PRR33: variants seen among roughly 807,000 people sequenced by gnomAD.
The protein encoded by PRR33 is proline-rich protein 33.
A neutral mutation model predicts 0.5 loss-of-function variants in PRR33; 1 was observed. That is an observed-to-expected ratio of 2.18 (90% CI 0.77 to 10.34). The LOEUF (loss-of-function observed/expected upper bound fraction) is 10.34, where lower values mean the gene tolerates loss of function less well. PRR33 is among the 30% of genes most tolerant of loss of function. The pLI is 0.13. For missense variants in PRR33, 552 were observed against 251.8 expected (o/e 2.19, Z -8.07); for synonymous variants, 226 against 110.0 (o/e 2.06, Z -6.60).
At chr11:1,901,759 C>T in the PRR33 span, among the ~76,000 whole-genome samples, 1 of 152,090 alleles carries the variant, frequency 6.6e-6, no homozygotes, top group East Asian at 1.9e-4. Flanking sequence ...AGGAAAAACA[C>T]GTTAAACAAA....
At chr11:1,900,179 G>T in the PRR33 span, among the ~76,000 whole-genome samples, 2 of 152,126 alleles carry the variant, frequency 1.3e-5, no homozygotes, top group African/African-American at 4.8e-5. Context: ...ATGTGTCCAT[G>T]CTTGATGCTG....
the PRR33 span, among the ~76,000 whole-genome samples, chr11:1,914,307 C>T: frequency 1.4e-5 from 2 of 147,044 alleles, no homozygotes; most frequent in African/African-American, 5.2e-5. Flanking sequence ...TGGGGTCATG[C>T]ACCTGGGATG....
At chr11:1,913,409 G>T in the PRR33 span, among the ~76,000 whole-genome samples, 1 of 151,728 alleles carries the variant, frequency 6.6e-6, no homozygotes, top group Non-Finnish European at 1.5e-5. Flanking sequence ...GCCTCCCAAA[G>T]TCCTGGGATT....
the PRR33 span, among the ~76,000 whole-genome samples, chr11:1,917,430 A>AC: frequency 1.3e-5 from 2 of 151,494 alleles, no homozygotes; most frequent in Non-Finnish European, 2.9e-5. Flanking sequence ...CAATTTCAGA[A>AC]CCCCCCCATC....
At chr11:1,890,254 G>A (rs916930862) in exon 1 of PRR33, 1 of 715,360 alleles carries the variant, frequency 1.4e-6, no homozygotes, top group South Asian at 1.5e-5. Flanking sequence ...GAGCGGGGTA[G>A]GGCAGCCACC....
chr11:1,913,316 T>TG, the PRR33 span, among the ~76,000 whole-genome samples: 2 of 4,882 alleles, frequency 4.1e-4, no homozygotes, highest in Non-Finnish European at 3.1e-3. Flanking sequence ...TTTTTTTTTG[T>TG]TTTTTTTTTA....
chr11:1,902,108 T>G, the PRR33 span, among the ~76,000 whole-genome samples: 3 of 151,908 alleles, frequency 2.0e-5, no homozygotes, highest in African/African-American at 7.3e-5. Context: ...GGCGGGCGCC[T>G]GTAGTCCCAG....
At chr11:1,917,287 T>C in the PRR33 span, among the ~76,000 whole-genome samples, 1 of 152,154 alleles carries the variant, frequency 6.6e-6, no homozygotes, top group Non-Finnish European at 1.5e-5. Flanking sequence ...CACTGGGTGC[T>C]GGGACCTAGA....
chr11:1,911,759 G>C, the PRR33 span, among the ~76,000 whole-genome samples: 1 of 151,990 alleles, frequency 6.6e-6, no homozygotes, highest in Non-Finnish European at 1.5e-5. Flanking sequence ...GTCTATCTAT[G>C]AGTGGTGTTA....
the PRR33 span, among the ~76,000 whole-genome samples, chr11:1,906,782 G>A: frequency 6.6e-6 from 1 of 152,150 alleles, no homozygotes; most frequent in Non-Finnish European, 1.5e-5. Context: ...TAGTCCTTTC[G>A]GATTGTGCTT....
At chr11:1,914,793 T>C in the PRR33 span, among the ~76,000 whole-genome samples, 1 of 139,298 alleles carries the variant, frequency 7.2e-6, no homozygotes, top group Non-Finnish European at 1.5e-5. Flanking sequence ...TTGTGGGGTG[T>C]ACACACCTGG....
chr11:1,914,227 CTG>C, the PRR33 span, among the ~76,000 whole-genome samples: 4 of 151,004 alleles, frequency 2.6e-5, no homozygotes, highest in Non-Finnish European at 4.4e-5. Flanking sequence ...GATGATGTTT[CTG>C]TGTGTGTGTG....
chr11:1,908,343 C>G, the PRR33 span, among the ~76,000 whole-genome samples: 1 of 129,904 alleles, frequency 7.7e-6, no homozygotes, highest in African/African-American at 2.9e-5. Flanking sequence ...AATAAACTCA[C>G]TAGAATGTTG....
exon 1 of PRR33, chr11:1,889,548 T>C: frequency 1.6e-6 from 1 of 613,342 alleles, no homozygotes; most frequent in South Asian, 1.9e-5. Flanking sequence ...CAGCAGCTGC[T>C]TCTTGAGCCA....
At chr11:1,915,391 GTGTGTGTGTC>G in the PRR33 span, among the ~76,000 whole-genome samples, 2 of 150,588 alleles carry the variant, frequency 1.3e-5, no homozygotes, top group Non-Finnish European at 3.0e-5. Flanking sequence ...ATGTTTCTGT[GTGTGTGTGTC>G]TGTGTGTGTA....
chr11:1,907,082 T>C, the PRR33 span, among the ~76,000 whole-genome samples: 1 of 152,262 alleles, frequency 6.6e-6, no homozygotes, highest in Middle Eastern at 3.2e-3. Flanking sequence ...GGCCCACGTG[T>C]GGGATCTTGA....
At chr11:1,897,183 C>A in the PRR33 span, among the ~76,000 whole-genome samples, 4 of 152,218 alleles carry the variant, frequency 2.6e-5, no homozygotes, top group Non-Finnish European at 5.9e-5. The surrounding 1 kb of genome is among the most constrained non-coding windows in gnomAD (Gnocchi z 4.0). Context: ...CTGTTTACGT[C>A]TCCAGTGAGG....
the PRR33 span, among the ~76,000 whole-genome samples, chr11:1,914,859 G>C: frequency 2.1e-5 from 3 of 142,498 alleles, no homozygotes; most frequent in Non-Finnish European, 4.6e-5. Flanking sequence ...GTTTCTGTGT[G>C]TGTGTGTGTG....
chr11:1,890,206 G>C (rs1317031143), exon 1 of PRR33: 3 of 716,998 alleles, frequency 4.2e-6, no homozygotes, highest in Admixed American at 2.0e-5. Flanking sequence ...GACTTCTGCA[G>C]GGGTGATGCC....
Sources: gnomAD v4.1 joint callset for allele counts (sites outside exome capture counted in the v4.1 genomes callset) on GRCh38, gnomAD v4.1.1 for gene constraint, Gnocchi (gnomAD v3.1) non-coding constraint, MANE v1.5 for transcripts, NCBI Gene and HGNC (gene_info 2026-07-23, HGNC 2026-07-21) for gene names.